TBCK: variants seen among roughly 807,000 people sequenced by gnomAD.
The protein encoded by TBCK is TBC domain-containing protein kinase-like protein.
Under a neutral mutation model 113.4 loss-of-function variants are expected in TBCK, and 99 were observed. The ratio of observed to expected loss-of-function variants is 0.87; its 90% CI spans 0.74 to 1.03. The LOEUF (loss-of-function observed/expected upper bound fraction) is 1.03, where lower values mean the gene tolerates loss of function less well. Among genes scored for constraint, TBCK ranks in the 50% least tolerant of loss-of-function variants. The pLI, the probability that TBCK is intolerant of heterozygous loss-of-function variation, is 0.00. For synonymous variants in TBCK, 369 were observed against 370.8 expected (o/e 1.00, Z 0.05); for missense variants, 1,045 against 1,061.3 (o/e 0.98, Z 0.21).
chr4:106,085,417 T>C (rs1235588547), intron 25 of TBCK, among the ~76,000 whole-genome samples: 1 of 152,162 alleles, frequency 6.6e-6, no homozygotes, highest in Non-Finnish European at 1.5e-5. Context: ...AGAAGAGCTA[T>C]ATTCTGAATA....
chr4:106,100,515 G>A (rs986137387), intron 24 of TBCK, among the ~76,000 whole-genome samples: 1 of 152,042 alleles, frequency 6.6e-6, no homozygotes, highest in African/African-American at 2.4e-5. Flanking sequence ...CACTAAAACC[G>A]GTTTATTTAG....
intron 5 of TBCK, among the ~76,000 whole-genome samples, 175 bp from the exon 6 acceptor site, chr4:106,252,182 C>T (rs938282617): frequency 2.6e-5 from 4 of 151,962 alleles, no homozygotes; most frequent in African/African-American, 9.7e-5. Context: ...GTCAAGGAAT[C>T]AAGAGAAAAT....
intron 12 of TBCK, among the ~76,000 whole-genome samples, chr4:106,237,141 T>C (rs1037745717): frequency 6.6e-6 from 1 of 152,050 alleles, no homozygotes; most frequent in Non-Finnish European, 1.5e-5. Context: ...TTTTAAGTTA[T>C]ATGAAGAAAG....
intron 22 of TBCK, among the ~76,000 whole-genome samples, chr4:106,174,226 A>G (rs537561141): frequency 6.6e-6 from 1 of 152,198 alleles, no homozygotes; most frequent in Admixed American, 6.5e-5. Context: ...TTTGATTCCT[A>G]ACTTTTTGGG....
At chr4:106,237,412 A>G (rs1304344253) in intron 12 of TBCK, 4 of 437,674 alleles carry the variant, frequency 9.1e-6, no homozygotes, top group South Asian at 6.5e-5. Context: ...ATTCTTCAAA[A>G]TCATAAGCAG....
intron 24 of TBCK, among the ~76,000 whole-genome samples, chr4:106,096,231 C>T (rs1740881752): frequency 6.6e-6 from 1 of 152,086 alleles, no homozygotes; most frequent in Admixed American, 6.6e-5. Context: ...TCAATATTCC[C>T]AATTGCAGTT....
In TBCK at chr4:106,200,057, T is replaced by C. The variant is rs569857694; in HGVS notation, c.1861-5303A>G. Among the ~76,000 whole-genome samples the C allele has an allele frequency of 4.4e-4, 67 of 152,302 alleles. 1 individual carries two copies. The highest frequency in any genetic ancestry group is 1.6e-3 in the African/African-American group (65 of 41,568). ...ATGGCCCTCTATTACCTATTTGACC[T>C]TATCTTCTTGTTCACTGTGCTCTAG... On this transcript the variant is annotated intron_variant, in intron 20 of 25. Transcript: ENST00000394708.
intron 23 of TBCK, among the ~76,000 whole-genome samples, chr4:106,147,026 A>G (rs1465151243): frequency 6.6e-6 from 1 of 151,992 alleles, no homozygotes; most frequent in African/African-American, 2.4e-5. Flanking sequence ...TTAAGAAGCA[A>G]CTCCTCATCC....
At chr4:106,305,055 GGTTT>G (rs1226152642) in intron 2 of TBCK, among the ~76,000 whole-genome samples, 1 of 151,954 alleles carries the variant, frequency 6.6e-6, no homozygotes, top group African/African-American at 2.4e-5. Flanking sequence ...ATTAAATCTG[GGTTT>G]GTTTGTTTTT....
At chr4:106,117,573 T>C (rs1335974629) in intron 23 of TBCK, among the ~76,000 whole-genome samples, 2 of 152,210 alleles carry the variant, frequency 1.3e-5, no homozygotes, top group Non-Finnish European at 2.9e-5. Context: ...AAGGGCTATT[T>C]ACAATTATTC....
chr4:106,070,409 T>C (rs1222381150), intron 25 of TBCK, among the ~76,000 whole-genome samples: 2 of 152,224 alleles, frequency 1.3e-5, no homozygotes, highest in Admixed American at 6.5e-5. Context: ...CATGTGGTTT[T>C]TGTCTTTGGT....
rs1768837615 is a variant in TBCK at position 106,316,190 on chromosome 4, A to T, written c.-289T>A. The T allele has an allele frequency of 5.1e-6, 1 of 194,978 alleles. No individual in the cohort carries two copies. Among genetic ancestry groups the T allele is most frequent in the South Asian group, 1.2e-4 (1 of 8,158 alleles). 12.1% of individuals were successfully genotyped at this position (194,978 alleles called of 1,614,324 possible). Reference sequence around the variant, plus strand: ...CAAGCCTGGCCTTCCCCAAACACAGATCCGAGCTTTTCACCCTCTACCCTC... The same window carrying T: ...CAAGCCTGGCCTTCCCCAAACACAGTTCCGAGCTTTTCACCCTCTACCCTC... On this transcript the variant is annotated 5_prime_UTR_variant, in exon 1 of 26. Transcript: ENST00000394708.
rs371476500 is a variant in TBCK at position 106,087,595 on chromosome 4, T to A, written c.2571+7887A>T. On this transcript the variant is annotated intron_variant, in intron 25 of 25. Transcript: ENST00000394708. ...AGAAAAAACTATTTTAAATTTCATA[T>A]GAAATCAAAGAAGACCCCATATAGG... Among the ~76,000 whole-genome samples the A allele has an allele frequency of 1.3e-4, 20 of 152,182 alleles. 1 individual carries two copies. In the East Asian group the frequency reaches 1.9e-3, roughly 15 times the overall value.
chr4:106,152,220 G>A (rs74378886), intron 23 of TBCK, among the ~76,000 whole-genome samples: 175 of 151,958 alleles, frequency 1.2e-3, no homozygotes, highest in African/African-American at 4.0e-3. Flanking sequence ...ATTATGGTCC[G>A]TCATGTATGG....
intron 24 of TBCK, among the ~76,000 whole-genome samples, chr4:106,109,168 G>A (rs1046677442): frequency 5.9e-5 from 9 of 152,032 alleles, no homozygotes; most frequent in African/African-American, 2.2e-4. Flanking sequence ...GCTATGGATC[G>A]GAAGGATCAA....
intron 23 of TBCK, among the ~76,000 whole-genome samples, chr4:106,167,381 A>G (rs952740746): frequency 1.3e-4 from 19 of 151,280 alleles, no homozygotes; most frequent in African/African-American, 4.1e-4. Flanking sequence ...TGCATCAAAA[A>G]CAATGCTCAG....
intron 23 of TBCK, among the ~76,000 whole-genome samples, chr4:106,119,645 A>G (rs1744008476): frequency 6.6e-6 from 1 of 152,192 alleles, no homozygotes; most frequent in Non-Finnish European, 1.5e-5. Context: ...CAGGCAACAG[A>G]AGCAAAACTA....
At chr4:106,215,169 A>C (rs900396527) in intron 19 of TBCK, among the ~76,000 whole-genome samples, 2 of 151,970 alleles carry the variant, frequency 1.3e-5, no homozygotes, top group African/African-American at 4.8e-5. Context: ...AAATGCTGAG[A>C]GATTTTGTCA....
chr4:106,184,321 GA>G (rs1284683345), intron 22 of TBCK, among the ~76,000 whole-genome samples: 3 of 151,932 alleles, frequency 2.0e-5, no homozygotes, highest in Non-Finnish European at 4.4e-5. Flanking sequence ...CATTCCACTG[GA>G]GATTCTATAG....
Sources: gnomAD v4.1 joint callset for allele counts (sites outside exome capture counted in the v4.1 genomes callset) on GRCh38, gnomAD v4.1.1 for gene constraint, MANE v1.5 for transcripts, NCBI Gene and HGNC (gene_info 2026-07-23, HGNC 2026-07-21) for gene names.